The following ZNF334 variants were observed in gnomAD, a reference collection of about 807,000 sequenced individuals.
ZNF334 encodes zinc finger protein 334.
A neutral mutation model predicts 12.4 loss-of-function variants in ZNF334; 14 were observed. That is an observed-to-expected ratio of 1.13 (90% CI 0.74 to 1.76). The LOEUF is 1.76. Among genes scored for constraint, ZNF334 ranks in the 40% most tolerant of loss-of-function variants. ZNF334 has a pLI of 0.00. For synonymous variants in ZNF334, 273 were observed against 269.6 expected, an observed-to-expected ratio of 1.01 and a Z score of -0.12; for missense variants, 797 against 804.5, an observed-to-expected ratio of 0.99 and a Z score of 0.11.
rs760815230 is a variant in ZNF334 at position 46,502,463 on chromosome 20, G to T, written c.876C>A (p.Pro292=). 1 of 1,613,996 alleles carries T rather than the reference G, an allele frequency of 6.2e-7. No individual in the cohort carries two copies. Among genetic ancestry groups the T allele is most frequent in the South Asian group, 1.1e-5 (1 of 91,080 alleles). ...TTTTCCTGCATTCACTGCATTCATAGGGTCTCTCTCCAGTATGAATTCTTC... is the reference window on the plus strand; with the variant it reads ...TTTTCCTGCATTCACTGCATTCATATGGTCTCTCTCCAGTATGAATTCTTC... The part of the protein sequence containing the change: ...RHRRIHTGER[P]YECSECRKTF... The change falls in exon 5 of 5, where the codon CCC becomes CCA. Residue 292 remains proline (P), a synonymous_variant. Transcript: ENST00000692313.
At chr20:46,464,193 C>A in the ZNF334 span, 2 of 528,612 alleles carry the variant, frequency 3.8e-6, no homozygotes, top group Non-Finnish European at 7.4e-6. Flanking sequence ...ATGGGCAGCT[C>A]CCCTGTCCTT....
chr20:46,464,056 TTC>T, the ZNF334 span: 406 of 631,792 alleles, frequency 6.4e-4, 1 homozygote, highest in African/African-American at 6.9e-3. Flanking sequence ...GGGGTCATTG[TTC>T]TCTCTTTCCT....
the ZNF334 span, among the ~76,000 whole-genome samples, chr20:46,483,879 T>C: frequency 2.0e-5 from 3 of 152,216 alleles, no homozygotes; most frequent in Admixed American, 6.5e-5. Context: ...ATAATCTTAA[T>C]GGATTTTTTA....
chr20:46,480,681 G>A, the ZNF334 span, among the ~76,000 whole-genome samples: 7 of 152,176 alleles, frequency 4.6e-5, no homozygotes, highest in Non-Finnish European at 8.8e-5. Flanking sequence ...GAATCCTGCA[G>A]GTAGTGAGCT....
chr20:46,463,806 GGA>G, the ZNF334 span: 1 of 331,084 alleles, frequency 3.0e-6, no homozygotes. Flanking sequence ...GGCCTGCCTA[GGA>G]GAGAAACATG....
Position 46,502,839 on chromosome 20 carries a change from C to A in ZNF334, c.500G>T (p.Gly167Val), listed in dbSNP as rs751905205. 1 of 1,613,834 alleles carries A rather than the reference C, an allele frequency of 6.2e-7. No individual in the cohort carries two copies. The highest frequency in any genetic ancestry group is 8.5e-7 in the Non-Finnish European group (1 of 1,180,002). ...ATGACTTTTCTCATGCTTCCCAAATCCACTGTATCCATCAGGAATCTTTCT... is the reference window on the plus strand; with the variant it reads ...ATGACTTTTCTCATGCTTCCCAAATACACTGTATCCATCAGGAATCTTTCT... Reference protein sequence around the residue: ...ENRKIPDGYSGFGKHEKSHLG... With the variant: ...ENRKIPDGYSVFGKHEKSHLG... The change falls in exon 5 of 5, where the codon GGA becomes GTA. Residue 167 changes from glycine (G) to valine (V), a missense_variant. Gly to Val is a moderately radical substitution (Grantham distance 109). Coordinates refer to ENST00000692313, the MANE Select transcript of ZNF334 (RefSeq NM_001353824.2).
chr20:46,497,848 A>G (rs2061049211), downstream of ZNF334, among the ~76,000 whole-genome samples: 1 of 152,228 alleles, frequency 6.6e-6, no homozygotes, highest in Admixed American at 6.5e-5. Context: ...ATCAACCCAT[A>G]TGTGTGAGCC....
intron 4 of ZNF334, among the ~76,000 whole-genome samples, chr20:46,503,847 C>T (rs2061336668): frequency 6.6e-6 from 1 of 151,992 alleles, no homozygotes; most frequent in Non-Finnish European, 1.5e-5. Context: ...AAATGGAAGA[C>T]AATTAAAAAG....
chr20:46,501,135 CATG>C lies in ZNF334; in HGVS notation c.*158_*160del. 1 of 744,874 alleles carries C rather than the reference CATG, an allele frequency of 1.3e-6. No individual in the cohort carries two copies. The highest frequency in any genetic ancestry group is 2.1e-6 in the Non-Finnish European group (1 of 480,426). 46.1% of individuals were successfully genotyped at this position (744,874 alleles called of 1,614,324 possible). On this transcript the variant is annotated 3_prime_UTR_variant, in exon 5 of 5. Transcript: ENST00000692313. ...TATTAAACAAATTATTTCTTTCCTA[CATG>C]ATTTCTCTGATGTTACATTGAGGGT...
In ZNF334 at chr20:46,502,362, C is replaced by T; in HGVS notation, c.977G>A (p.Cys326Tyr). 1 of 1,614,028 alleles carries T rather than the reference C, an allele frequency of 6.2e-7. No homozygotes were observed. Among genetic ancestry groups the T allele is most frequent in the Non-Finnish European group, 8.5e-7 (1 of 1,179,966 alleles). ...TGACTTCCGAAAAAAGGTCTTTCCA[C>T]ATTCATTACACTCATAGGATTTCTC... The part of the protein sequence containing the change: ...GGEKSYECNE[C>Y]GKTFFRKSAL... Residue 326 changes from cysteine (C) to tyrosine (Y), a missense_variant, in exon 5 of 5, where the codon TGT becomes TAT. Cys to Tyr is a radical substitution (Grantham distance 194, BLOSUM62 -2). Transcript: ENST00000692313.
At chr20:46,487,045 G>A in the ZNF334 span, among the ~76,000 whole-genome samples, 38,466 of 151,586 alleles carry the variant, frequency 0.25, 6,239 homozygotes, top group African/African-American at 0.46. Context: ...AAAATGTACG[G>A]TTACTCCTGT....
the ZNF334 span, among the ~76,000 whole-genome samples, chr20:46,473,805 T>C: frequency 6.6e-6 from 1 of 152,116 alleles, no homozygotes; most frequent in Non-Finnish European, 1.5e-5. Context: ...GAAACATGAG[T>C]AAATATTTAC....
At chr20:46,463,767 AATT>A in the ZNF334 span, 2 of 247,956 alleles carry the variant, frequency 8.1e-6, no homozygotes, top group Admixed American at 8.3e-5. Flanking sequence ...CCTAGGTAAA[AATT>A]ATTAAGACAG....
chr20:46,474,134 G>A, the ZNF334 span, among the ~76,000 whole-genome samples: 2 of 152,302 alleles, frequency 1.3e-5, no homozygotes, highest in East Asian at 3.9e-4. Flanking sequence ...CAGCACTTTG[G>A]GAGGCTGAGG....
the ZNF334 span, among the ~76,000 whole-genome samples, chr20:46,474,959 G>A: frequency 6.6e-6 from 1 of 152,170 alleles, no homozygotes; most frequent in African/African-American, 2.4e-5. Context: ...GAAAGGAACA[G>A]AAACAGAGGC....
chr20:46,463,978 T>A, the ZNF334 span: 2 of 612,766 alleles, frequency 3.3e-6, no homozygotes, highest in Admixed American at 1.9e-5. Flanking sequence ...ATCGTCCCCA[T>A]CTGCCAAAAG....
chr20:46,495,350 C>T (rs1400490850), downstream of ZNF334, among the ~76,000 whole-genome samples: 1 of 150,742 alleles, frequency 6.6e-6, no homozygotes, highest in Non-Finnish European at 1.5e-5. Context: ...AAGATCAAAT[C>T]ATACTAGATT....
chr20:46,478,293 A>G, the ZNF334 span, among the ~76,000 whole-genome samples: 7 of 152,218 alleles, frequency 4.6e-5, no homozygotes, highest in Non-Finnish European at 1.0e-4. Flanking sequence ...TAATCAGTAC[A>G]AAAAAGATGT....
chr20:46,510,382 T>C (rs2061600212), intron 2 of ZNF334, among the ~76,000 whole-genome samples: 1 of 151,830 alleles, frequency 6.6e-6, no homozygotes, highest in Admixed American at 6.6e-5. Flanking sequence ...GTGACAACAT[T>C]AGCAAGCTCG....
Sources: allele counts gnomAD v4.1 joint callset (sites outside exome capture counted in the v4.1 genomes callset), GRCh38; gene constraint gnomAD v4.1.1; transcripts MANE v1.5; gene names NCBI Gene and HGNC (gene_info 2026-07-23, HGNC 2026-07-21).